PPME1: variants seen among roughly 807,000 people sequenced by gnomAD.
PPME1 encodes the protein protein phosphatase methylesterase 1.
A neutral mutation model predicts 56.9 loss-of-function variants in PPME1; 17 were observed. The observed-to-expected ratio is 0.30, with a 90% CI of 0.20 to 0.45. The LOEUF is 0.45. PPME1 is among the 20% of genes least tolerant of loss of function. The probability of loss-of-function intolerance (pLI) is 1.00; values close to 1 mark genes in which losing one functional copy is unlikely to be tolerated. For missense variants in PPME1, 357 were observed against 483.2 expected, an observed-to-expected ratio of 0.74 and a Z score of 2.45; for synonymous variants, 122 against 156.2, an observed-to-expected ratio of 0.78 and a Z score of 1.63.
chr11:74,214,759 A>C (rs1269728551), intron 3 of PPME1, among the ~76,000 whole-genome samples: 1 of 152,194 alleles, frequency 6.6e-6, no homozygotes, highest in African/African-American at 2.4e-5. Context: ...TAAAAGAATA[A>C]AGACTTTCCC....
chr11:74,237,897 C>T (rs1481441481), intron 8 of PPME1: 2 of 152,158 alleles, frequency 1.3e-5, no homozygotes, highest in East Asian at 1.9e-4. Flanking sequence ...TTTTCAATTC[C>T]TAAATATTTT....
chr11:74,171,451 C>T lies in PPME1; in HGVS notation c.30C>T (p.Leu10=), dbSNP rs781510755. Residue 10 remains leucine, a synonymous_variant, in exon 1 of 14, where the codon CTC becomes CTT. Coordinates refer to ENST00000328257, the MANE Select transcript of PPME1 (RefSeq NM_016147.3). The part of the protein sequence containing the change: MSALEKSMH[L]GRLPSRPPLP... ...CGGCCCTCGAAAAGAGCATGCACCT[C>T]GGCCGCCTTCCCTCTCGCCCACCTC... The T allele has an allele frequency of 1.1e-5, 18 of 1,612,870 alleles. No homozygotes were observed. The East Asian group carries it at 4.0e-4, about 36-fold the overall frequency.
chr11:74,183,183 G>C (rs967098540), intron 1 of PPME1, among the ~76,000 whole-genome samples: 6 of 151,600 alleles, frequency 4.0e-5, no homozygotes, highest in African/African-American at 1.5e-4. Context: ...TATAGTCCCA[G>C]CCACTGGAGA....
intron 11 of PPME1, chr11:74,248,021 A>G (rs1591070425): frequency 6.6e-6 from 1 of 152,580 alleles, no homozygotes. Context: ...GAAAAAACTG[A>G]TGGCAGCCTC....
intron 3 of PPME1, among the ~76,000 whole-genome samples, chr11:74,215,997 G>A (rs1858630859): frequency 1.3e-5 from 2 of 152,152 alleles, no homozygotes; most frequent in African/African-American, 4.8e-5. Flanking sequence ...CACCCAAATA[G>A]GTAAAGCAAA....
intron 7 of PPME1, among the ~76,000 whole-genome samples, chr11:74,231,759 A>G (rs1400852877): frequency 5.3e-5 from 8 of 152,206 alleles, no homozygotes; most frequent in Non-Finnish European, 8.8e-5. Context: ...TTCAGATAAA[A>G]TGGTGGAGAA....
chr11:74,253,566 A>G lies in PPME1; in HGVS notation c.*56A>G. The G allele has an allele frequency of 6.5e-7, 1 of 1,548,872 alleles. No homozygotes were observed. Among genetic ancestry groups the G allele is most frequent in the Non-Finnish European group, 8.9e-7 (1 of 1,120,862 alleles). Reference sequence around the variant, plus strand: ...AGCTCTGTTGTAAATACGTCGCACCAGAGGCCACTGTGATGCCACTGTCTC... The same window carrying G: ...AGCTCTGTTGTAAATACGTCGCACCGGAGGCCACTGTGATGCCACTGTCTC... On this transcript the variant is annotated 3_prime_UTR_variant, in exon 14 of 14. Transcript: ENST00000328257.
At chr11:74,177,559 G>T (rs1345933080) in intron 1 of PPME1, among the ~76,000 whole-genome samples, 1 of 151,770 alleles carries the variant, frequency 6.6e-6, no homozygotes, top group East Asian at 1.9e-4. Flanking sequence ...TGCCACTACT[G>T]TACTTTTAAT....
chr11:74,186,927 T>C (rs948520356), intron 1 of PPME1, among the ~76,000 whole-genome samples: 6 of 152,200 alleles, frequency 3.9e-5, no homozygotes, highest in African/African-American at 1.4e-4. Context: ...TTTTTATGTA[T>C]GATATGAGGA....
chr11:74,239,252 T>C lies in PPME1; in HGVS notation c.830T>C (p.Met277Thr). 1 of 1,611,896 alleles carries C rather than the reference T, an allele frequency of 6.2e-7. No individual in the cohort carries two copies. Among genetic ancestry groups the C allele is most frequent in the Non-Finnish European group, 8.5e-7 (1 of 1,179,250 alleles). The stretch of plus-strand genomic sequence containing the variant: ...AGCAAGAGGAAAAAGGAAGATGACA[T>C]GGAGGTGGGTAAAAACATTCATTCT... The part of the protein sequence containing the change: ...SISKRKKEDD[M>T]ETKKDHPYTW... Residue 277 changes from methionine to threonine, a missense_variant, in exon 9 of 14, where the codon ATG (methionine) becomes ACG (threonine). This residue lies in a region of PPME1 where 182 missense variants were observed against 293.8 expected (regional missense o/e 0.62). Transcript: ENST00000328257.
At chr11:74,179,837 A>G (rs1319371288) in intron 1 of PPME1, among the ~76,000 whole-genome samples, 1 of 152,180 alleles carries the variant, frequency 6.6e-6, no homozygotes, top group Non-Finnish European at 1.5e-5. Flanking sequence ...AAGTACTGCT[A>G]ATAAGGACAT....
In PPME1 at chr11:74,251,588, C is replaced by G. The variant is rs1859664610; in HGVS notation, c.1075-60C>G. 4 of 1,591,002 alleles carry G rather than the reference C, an allele frequency of 2.5e-6. No homozygotes were observed. The Admixed American group carries it at 6.8e-5, about 27-fold the overall frequency. Reference sequence around the variant, plus strand: ...CTAACCATCTAACAGTAGCTCACAGCCCAAGGCTAAGCCCCATCACTAACC... The same window carrying G: ...CTAACCATCTAACAGTAGCTCACAGGCCAAGGCTAAGCCCCATCACTAACC... On this transcript the variant is annotated intron_variant, in intron 12 of 13. Coordinates refer to ENST00000328257, the MANE Select transcript of PPME1 (RefSeq NM_016147.3).
rs1481534532 is a variant in PPME1 at position 74,254,693 on chromosome 11, C to T, written c.*1183C>T. ...CCTTGTTTAAAGAAAATAAATATCT[C>T]CCAACCTTTATTGGTCTGGTCTTTC... On this transcript the variant is annotated 3_prime_UTR_variant, in exon 14 of 14. Coordinates refer to ENST00000328257, the MANE Select transcript of PPME1 (RefSeq NM_016147.3). 1 of 152,644 alleles carries T rather than the reference C, an allele frequency of 6.6e-6. No individual in the cohort carries two copies. The highest frequency in any genetic ancestry group is 1.5e-5 in the Non-Finnish European group (1 of 68,060). The allele number at this position is 152,644 out of a possible 1,614,324, so 9.5% of individuals were successfully genotyped here.
chr11:74,219,527 G>A (rs1403481363), intron 3 of PPME1, among the ~76,000 whole-genome samples: 2 of 152,064 alleles, frequency 1.3e-5, no homozygotes, highest in Non-Finnish European at 2.9e-5. Flanking sequence ...TAAGGAAAAT[G>A]TGGTACATAT....
intron 3 of PPME1, among the ~76,000 whole-genome samples, chr11:74,216,330 T>C (rs1858641554): frequency 6.6e-6 from 1 of 152,044 alleles, no homozygotes; most frequent in Admixed American, 6.6e-5. Context: ...TAGTAATCAA[T>C]AAGAGGAGGA....
At chr11:74,235,019 C>A (rs559209004) in intron 7 of PPME1, among the ~76,000 whole-genome samples, 90 of 152,262 alleles carry the variant, frequency 5.9e-4, no homozygotes, top group African/African-American at 2.1e-3. Context: ...TTTGTGGATT[C>A]ATTTGGTAGT....
At chr11:74,196,797 T>A (rs1277380843) in intron 1 of PPME1, among the ~76,000 whole-genome samples, 1 of 152,206 alleles carries the variant, frequency 6.6e-6, no homozygotes, top group Non-Finnish European at 1.5e-5. Flanking sequence ...AATTTCTTAA[T>A]TAACTATTTT....
At chr11:74,233,014 C>T (rs1262813290) in intron 7 of PPME1, among the ~76,000 whole-genome samples, 3 of 151,690 alleles carry the variant, frequency 2.0e-5, no homozygotes, top group South Asian at 2.1e-4. Context: ...GCCCTTTTTC[C>T]GAACTCTAAA....
intron 3 of PPME1, among the ~76,000 whole-genome samples, chr11:74,217,282 C>A (rs970008248): frequency 6.6e-6 from 1 of 152,114 alleles, no homozygotes; most frequent in Non-Finnish European, 1.5e-5. Context: ...TGGCTCGTGC[C>A]TGTAATCCCA....
Sources: gnomAD v4.1 joint callset for allele counts (sites outside exome capture counted in the v4.1 genomes callset) on GRCh38, gnomAD v4.1.1 for gene constraint, gnomAD v4.1.1 regional missense constraint, MANE v1.5 for transcripts, NCBI Gene and HGNC (gene_info 2026-07-23, HGNC 2026-07-21) for gene names.